Variants in PCDHA2 observed in about 807,000 individuals in gnomAD.
The protein encoded by PCDHA2 is protocadherin alpha 2.
PCDHA2 carries 58 observed loss-of-function variants against 66.0 expected under a neutral mutation model. The ratio of observed to expected loss-of-function variants is 0.88; its 90% CI spans 0.71 to 1.09. The LOEUF (loss-of-function observed/expected upper bound fraction) is 1.09. Among genes scored for constraint, PCDHA2 ranks in the 50% least tolerant of loss-of-function variants. The pLI, the probability that PCDHA2 is intolerant of heterozygous loss-of-function variation, is 0.00. For missense variants in PCDHA2, 1,267 were observed against 1,242.3 expected (o/e 1.02, Z -0.30); for synonymous variants, 634 against 554.0 (o/e 1.14, Z -2.03).
chr5:140,864,059 T>C (rs1371478916), intron 1 of PCDHA2: 1 of 152,732 alleles, frequency 6.5e-6, no homozygotes, highest in Non-Finnish European at 1.5e-5. Flanking sequence ...ACAGTCACCA[T>C]GAACATTCTT....
chr5:140,979,961 C>G (rs1554241296), intron 2 of PCDHA2, among the ~76,000 whole-genome samples: 1 of 152,054 alleles, frequency 6.6e-6, no homozygotes, highest in Non-Finnish European at 1.5e-5. Context: ...TAGTTTTAGC[C>G]CATTAAAATG....
chr5:140,855,609 T>C (rs1471221233), intron 1 of PCDHA2, among the ~76,000 whole-genome samples: 1 of 149,748 alleles, frequency 6.7e-6, no homozygotes, highest in African/African-American at 2.5e-5. Flanking sequence ...TATGCAAATA[T>C]TAAGGGCATT....
intron 3 of PCDHA2, among the ~76,000 whole-genome samples, chr5:141,005,701 CAA>C (rs59860837): frequency 3.2e-3 from 25 of 7,784 alleles, no homozygotes; most frequent in African/African-American, 6.6e-3. Flanking sequence ...AACTCCGTCT[CAA>C]AAAAAAAAAA....
At position 140,949,239 on chromosome 5, in the gene PCDHA2, C is replaced by T. The variant is rs563720988; in HGVS notation, c.2389-29710C>T. 4.0e-5 allele frequency among the ~76,000 whole-genome samples: 6 copies of T among 151,886 alleles called. No individual in the cohort carries two copies. The East Asian group carries it at 1.2e-3, about 29-fold the overall frequency. On this transcript the variant is annotated intron_variant, in intron 1 of 3. Transcript: ENST00000526136. ...TTAGACTTGTTCTGTGGCCCAGCAA[C>T]AGTCTATCTTGATGAACATATCACG...
intron 1 of PCDHA2, chr5:140,966,193 G>C (rs1554228123): frequency 4.8e-6 from 1 of 207,392 alleles, no homozygotes; most frequent in Non-Finnish European, 9.5e-6. Flanking sequence ...CAGACTTCTA[G>C]GGGCTTGACT....
intron 1 of PCDHA2, chr5:140,805,447 GTGTT>G: frequency 9.6e-7 from 1 of 1,037,082 alleles, no homozygotes; most frequent in Non-Finnish European, 1.2e-6. Context: ...TTGTGTGTGT[GTGTT>G]TGTGTGAGTG....
chr5:140,843,739 T>C (rs1554140396), intron 1 of PCDHA2: 2 of 1,538,164 alleles, frequency 1.3e-6, no homozygotes, highest in African/African-American at 2.7e-5. Context: ...AATTTAGAAC[T>C]CATAAATTCT....
chr5:140,800,953 C>A, intron 1 of PCDHA2: 3 of 1,125,974 alleles, frequency 2.7e-6, no homozygotes, highest in South Asian at 2.9e-5. Flanking sequence ...AAACGACATA[C>A]AAGGAAAAGA....
chr5:140,849,017 C>G, intron 1 of PCDHA2: 1 of 1,588,278 alleles, frequency 6.3e-7, no homozygotes, highest in Non-Finnish European at 8.6e-7. Context: ...GACTGAGCCC[C>G]AATGAGTATT....
At chr5:140,922,255 A>C (rs1415394722) in intron 1 of PCDHA2, among the ~76,000 whole-genome samples, 2 of 152,256 alleles carry the variant, frequency 1.3e-5, no homozygotes, top group Non-Finnish European at 2.9e-5. Flanking sequence ...ATAAGTTACT[A>C]AGTGCCATGA....
At chr5:140,844,894 C>G (rs2150374853) in intron 1 of PCDHA2, among the ~76,000 whole-genome samples, 6 of 149,362 alleles carry the variant, frequency 4.0e-5, no homozygotes, top group African/African-American at 1.2e-4. Context: ...GTGCATATTG[C>G]TTTGGAGAGA....
In PCDHA2 at chr5:140,856,327, G is replaced by A; in HGVS notation, c.2388+58975G>A. On this transcript the variant is annotated intron_variant, in intron 1 of 3. Transcript: ENST00000526136. ...TGAATTCTCGGATTGACCGCGAGGAGCTGTGCGGGCGGAGCGTGGAGTGCA... is the reference window on the plus strand; with the variant it reads ...TGAATTCTCGGATTGACCGCGAGGAACTGTGCGGGCGGAGCGTGGAGTGCA... The A allele has an allele frequency of 1.4e-5, 22 of 1,598,708 alleles. 1 individual carries two copies. Among genetic ancestry groups the A allele is most frequent in the South Asian group, 3.3e-5 (3 of 90,534 alleles).
intron 1 of PCDHA2, chr5:140,836,747 T>A: frequency 1.9e-6 from 3 of 1,587,224 alleles, no homozygotes; most frequent in Non-Finnish European, 2.6e-6. Flanking sequence ...ATGTGAGTCA[T>A]AAATAATCTT....
At chr5:140,877,928 TTC>T in intron 1 of PCDHA2, 1 of 1,415,260 alleles carries the variant, frequency 7.1e-7, no homozygotes, top group Non-Finnish European at 9.3e-7. Context: ...TTCTTTATGA[TTC>T]TATCCTTTAA....
intron 1 of PCDHA2, among the ~76,000 whole-genome samples, chr5:140,831,517 C>T (rs1771584524): frequency 7.7e-6 from 1 of 129,936 alleles, no homozygotes; most frequent in East Asian, 2.2e-4. Context: ...CCATGCCCCC[C>T]ACCTTTTTTT....
chr5:140,967,745 G>T, intron 1 of PCDHA2: 1 of 1,614,184 alleles, frequency 6.2e-7, no homozygotes, highest in Non-Finnish European at 8.5e-7. Flanking sequence ...GGATTATGAG[G>T]AAGCCTCCTC....
intron 1 of PCDHA2, among the ~76,000 whole-genome samples, chr5:140,960,366 ACT>A (rs2095543381): frequency 6.6e-6 from 1 of 152,188 alleles, no homozygotes; most frequent in Non-Finnish European, 1.5e-5. Flanking sequence ...TAATATGCCA[ACT>A]CTTAAGTGCC....
chr5:140,821,566 A>G lies in PCDHA2; in HGVS notation c.2388+24214A>G, dbSNP rs2150109889. ...TTTCATCCACATGATGTCGCTGGACACCGGAAGGTTTTTCTCCCTTCCCAG... is the reference window on the plus strand; with the variant it reads ...TTTCATCCACATGATGTCGCTGGACGCCGGAAGGTTTTTCTCCCTTCCCAG... On this transcript the variant is annotated intron_variant, in intron 1 of 3. Coordinates refer to ENST00000526136, the MANE Select transcript of PCDHA2 (RefSeq NM_018905.3). 3 of 537,642 alleles carry G rather than the reference A, an allele frequency of 5.6e-6. No homozygotes were observed. The South Asian group carries it at 1.0e-4, about 18-fold the overall frequency. The allele number at this position is 537,642 out of a possible 1,614,324, so 33.3% of individuals were successfully genotyped here. A position where few individuals can be genotyped will look rare whatever the true frequency, so the allele number is the denominator to read the frequency against.
chr5:140,851,102 G>C, intron 1 of PCDHA2: 1 of 1,288,626 alleles, frequency 7.8e-7, no homozygotes, highest in African/African-American at 1.5e-5. Context: ...ATATTTTTTG[G>C]GTGCTGAATC....
Sources: gnomAD v4.1 joint callset for allele counts (sites outside exome capture counted in the v4.1 genomes callset) on GRCh38, gnomAD v4.1.1 for gene constraint, MANE v1.5 for transcripts, NCBI Gene and HGNC (gene_info 2026-07-23, HGNC 2026-07-21) for gene names.